Variants in SCN11A observed in about 807,000 individuals in gnomAD.
The protein encoded by SCN11A is sodium channel protein type 11 subunit alpha.
In SCN11A, 122 loss-of-function variants were observed where a neutral mutation model predicts 162.2. The observed-to-expected ratio is 0.75, with a 90% CI of 0.65 to 0.87. The LOEUF is 0.87. Ranked by LOEUF, SCN11A falls within the 40% of genes least tolerant of loss-of-function variation. The probability of loss-of-function intolerance (pLI) is 0.00; values close to 1 mark genes in which losing one functional copy is unlikely to be tolerated. For synonymous variants in SCN11A, 758 were observed against 751.5 expected (o/e 1.01, Z -0.14); for missense variants, 2,015 against 2,181.6 (o/e 0.92, Z 1.52).
At chr3:39,022,254 T>C (rs2031469818) in intron 2 of SCN11A, among the ~76,000 whole-genome samples, 1 of 152,206 alleles carries the variant, frequency 6.6e-6, no homozygotes, top group Non-Finnish European at 1.5e-5. Flanking sequence ...TGCATGTGCA[T>C]GTTTCTCCTT....
At chr3:39,040,749 TAGAG>T (rs2032029620) in intron 1 of SCN11A, among the ~76,000 whole-genome samples, 2 of 152,090 alleles carry the variant, frequency 1.3e-5, no homozygotes, top group African/African-American at 2.4e-5. Context: ...AAAAATACAA[TAGAG>T]AGCTTCAATA....
chr3:38,890,565 C>A (rs971679887), intron 19 of SCN11A, among the ~76,000 whole-genome samples: 3 of 152,346 alleles, frequency 2.0e-5, no homozygotes, highest in East Asian at 3.9e-4. Flanking sequence ...TCAAAGACTG[C>A]GCTTAAAAGC....
In SCN11A at chr3:38,871,511, G is replaced by T. The variant is rs571063521; in HGVS notation, c.3693C>A (p.Phe1231Leu). The T allele has an allele frequency of 4.3e-6, 7 of 1,613,202 alleles. No homozygotes were observed. The South Asian group carries it at 6.6e-5, about 15-fold the overall frequency. Residue 1231 changes from phenylalanine (F) to leucine (L), a missense_variant, in exon 25 of 30, where the codon TTC becomes TTA. Physicochemically the swap from Phe to Leu is conservative, Grantham distance 22. Transcript: ENST00000302328. ...TNKSQCESGNFSWINQKVNFD... is the reference protein window; with the variant it reads ...TNKSQCESGNLSWINQKVNFD... ...AGTTGACTTTCTGGTTGATCCAAGA[G>T]AAATTGCCACTTTCACATTGACTTT...
intron 11 of SCN11A, among the ~76,000 whole-genome samples, chr3:38,912,506 T>TA (rs1329714769): frequency 6.6e-6 from 1 of 152,136 alleles, no homozygotes; most frequent in African/African-American, 2.4e-5. Context: ...GGTTCTGGCG[T>TA]ACATGTGCAG....
intron 21 of SCN11A, among the ~76,000 whole-genome samples, chr3:38,883,957 GA>G: frequency 6.6e-6 from 1 of 152,208 alleles, no homozygotes. Context: ...GGTCATACAC[GA>G]AAGAATTTGA....
At chr3:39,018,333 T>C (rs913453001) in intron 2 of SCN11A, among the ~76,000 whole-genome samples, 1 of 152,140 alleles carries the variant, frequency 6.6e-6, no homozygotes, top group Non-Finnish European at 1.5e-5. Flanking sequence ...TTGTCTGTCC[T>C]GAAAACTCCG....
At chr3:38,982,425 G>C (rs936275356) in intron 2 of SCN11A, among the ~76,000 whole-genome samples, 1 of 152,128 alleles carries the variant, frequency 6.6e-6, no homozygotes, top group Non-Finnish European at 1.5e-5. Context: ...TTTTCTTAAT[G>C]GTTTAATGGG....
chr3:38,908,323 C>T (rs2065833417), intron 13 of SCN11A, among the ~76,000 whole-genome samples: 1 of 152,140 alleles, frequency 6.6e-6, no homozygotes, highest in South Asian at 2.1e-4. Context: ...ATTGCAGCCA[C>T]CAAAAGCAGC....
At chr3:39,029,582 T>C (rs901408002) in intron 2 of SCN11A, among the ~76,000 whole-genome samples, 5 of 152,232 alleles carry the variant, frequency 3.3e-5, no homozygotes, top group Non-Finnish European at 5.9e-5. Context: ...GTAGTACAAC[T>C]CAGGGCATTT....
At chr3:38,887,772 G>A (rs2065427391) in intron 19 of SCN11A, among the ~76,000 whole-genome samples, 1 of 151,998 alleles carries the variant, frequency 6.6e-6, no homozygotes, top group South Asian at 2.1e-4. Context: ...GCAGCCGGAC[G>A]GATCCTTTTG....
At chr3:38,901,951 A>G (rs1575268831) in intron 16 of SCN11A, among the ~76,000 whole-genome samples, 1 of 152,280 alleles carries the variant, frequency 6.6e-6, no homozygotes, top group African/African-American at 2.4e-5. Flanking sequence ...TCAGTTTCCA[A>G]CTGCAAAATG....
At chr3:38,864,119 G>T (rs1384333350) in intron 27 of SCN11A, among the ~76,000 whole-genome samples, 2 of 152,126 alleles carry the variant, frequency 1.3e-5, no homozygotes, top group Non-Finnish European at 2.9e-5. Flanking sequence ...ACTATCCAAA[G>T]GTGGCCAACA....
At chr3:39,020,412 A>G (rs1180662735) in intron 2 of SCN11A, among the ~76,000 whole-genome samples, 2 of 152,138 alleles carry the variant, frequency 1.3e-5, no homozygotes, top group African/African-American at 4.8e-5. Flanking sequence ...TGCCGACAGG[A>G]CAGTTTCCCT....
At chr3:38,916,808 A>G (rs1385772966) in intron 11 of SCN11A, among the ~76,000 whole-genome samples, 2 of 152,150 alleles carry the variant, frequency 1.3e-5, no homozygotes, top group Non-Finnish European at 2.9e-5. Context: ...ACGGTGAATT[A>G]GTCAGCAGGG....
At chr3:38,893,092 A>G (rs922804294) in intron 19 of SCN11A, among the ~76,000 whole-genome samples, 1 of 152,158 alleles carries the variant, frequency 6.6e-6, no homozygotes, top group African/African-American at 2.4e-5. Context: ...AGAAAACAAG[A>G]TCCAATTATA....
At chr3:38,949,156 C>T (rs2066561962) in intron 5 of SCN11A, among the ~76,000 whole-genome samples, 1 of 152,208 alleles carries the variant, frequency 6.6e-6, no homozygotes, top group African/African-American at 2.4e-5. Context: ...CCCCAAACCT[C>T]CCAGCCTCCT....
chr3:38,920,478 G>T (rs1038743089), intron 10 of SCN11A, among the ~76,000 whole-genome samples: 1 of 152,112 alleles, frequency 6.6e-6, no homozygotes, highest in Non-Finnish European at 1.5e-5. Flanking sequence ...AGATCACGAG[G>T]TCAGGAGATG....
chr3:38,957,456 C>T (rs1030092329), intron 3 of SCN11A, among the ~76,000 whole-genome samples: 7 of 152,268 alleles, frequency 4.6e-5, no homozygotes, highest in African/African-American at 1.7e-4. Flanking sequence ...TCCCAATCCC[C>T]TTGGGCCATG....
At chr3:39,012,141 C>T (rs958098605) in intron 2 of SCN11A, among the ~76,000 whole-genome samples, 1 of 152,056 alleles carries the variant, frequency 6.6e-6, no homozygotes, top group Non-Finnish European at 1.5e-5. Flanking sequence ...GACTGACCAA[C>T]ATGGAGAAAC....
Sources: allele counts gnomAD v4.1 joint callset (sites outside exome capture counted in the v4.1 genomes callset), GRCh38; gene constraint gnomAD v4.1.1; transcripts MANE v1.5; gene names NCBI Gene and HGNC (gene_info 2026-07-23, HGNC 2026-07-21).